Variants in GPR158 observed in about 807,000 individuals in gnomAD.
GPR158 encodes the protein metabotropic glycine receptor.
A neutral mutation model predicts 78.2 loss-of-function variants in GPR158; 30 were observed. The ratio of observed to expected loss-of-function variants is 0.38; its 90% CI spans 0.29 to 0.52. GPR158 has a LOEUF of 0.52. Among genes scored for constraint, GPR158 ranks in the 20% least tolerant of loss-of-function variants. The pLI is 0.83. For missense variants in GPR158, 1,463 were observed against 1,523.5 expected (o/e 0.96, Z 0.66); for synonymous variants, 581 against 591.1 (o/e 0.98, Z 0.25).
intron 4 of GPR158, among the ~76,000 whole-genome samples, chr10:25,423,285 A>G (rs922702646): frequency 6.6e-6 from 1 of 152,024 alleles, no homozygotes; most frequent in African/African-American, 2.4e-5. Flanking sequence ...TTGTGCTGCT[A>G]TAAACATGCA....
intron 2 of GPR158, among the ~76,000 whole-genome samples, chr10:25,343,071 T>C (rs960572889): frequency 6.6e-6 from 1 of 152,004 alleles, no homozygotes; most frequent in Non-Finnish European, 1.5e-5. Context: ...TGAGCAAACT[T>C]CCTAGTGAGG....
At chr10:25,317,729 T>TG (rs1854878654) in intron 2 of GPR158, among the ~76,000 whole-genome samples, 1 of 145,386 alleles carries the variant, frequency 6.9e-6, no homozygotes, top group African/African-American at 2.8e-5. Flanking sequence ...TTTTTTTGTT[T>TG]TGTTTTGTTT....
chr10:25,467,053 C>T (rs1294291015), intron 5 of GPR158, among the ~76,000 whole-genome samples: 4 of 152,186 alleles, frequency 2.6e-5, no homozygotes, highest in East Asian at 1.9e-4. Flanking sequence ...TGGGGTGCAG[C>T]GTGGTTTTAT....
intron 2 of GPR158, among the ~76,000 whole-genome samples, chr10:25,369,893 T>G (rs2130547071): frequency 6.6e-6 from 1 of 152,098 alleles, no homozygotes; most frequent in East Asian, 1.9e-4. Flanking sequence ...GGTTTAGTCT[T>G]GGGAGAGTGT....
chr10:25,452,369 AATTC>A (rs1158265050), intron 4 of GPR158, among the ~76,000 whole-genome samples: 1 of 152,176 alleles, frequency 6.6e-6, no homozygotes, highest in South Asian at 2.1e-4. Context: ...GTATTTTTGC[AATTC>A]ATTCATTTAT....
At chr10:25,438,805 CAG>C (rs1324618348) in intron 4 of GPR158, among the ~76,000 whole-genome samples, 4 of 152,136 alleles carry the variant, frequency 2.6e-5, no homozygotes, top group African/African-American at 4.8e-5. Flanking sequence ...AAACTGAAGT[CAG>C]GGGTTTATTT....
intron 2 of GPR158, among the ~76,000 whole-genome samples, chr10:25,345,919 G>T (rs1364071642): frequency 6.6e-6 from 1 of 151,948 alleles, no homozygotes; most frequent in African/African-American, 2.4e-5. Context: ...AAGAGCAAGT[G>T]ATAAGAGCTC....
chr10:25,191,325 T>C (rs1852768085), intron 1 of GPR158, among the ~76,000 whole-genome samples: 1 of 152,208 alleles, frequency 6.6e-6, no homozygotes, highest in Non-Finnish European at 1.5e-5. Flanking sequence ...GCAGCGAACT[T>C]GCAGTTTAAT....
chr10:25,521,425 T>A (rs1199420712), intron 5 of GPR158, among the ~76,000 whole-genome samples: 1 of 152,246 alleles, frequency 6.6e-6, no homozygotes, highest in African/African-American at 2.4e-5. Flanking sequence ...AAGATTTTTT[T>A]CCTTCCTAAC....
At chr10:25,434,107 A>G (rs921344476) in intron 4 of GPR158, among the ~76,000 whole-genome samples, 2 of 152,110 alleles carry the variant, frequency 1.3e-5, no homozygotes, top group Non-Finnish European at 2.9e-5. Context: ...GCTTGCAGTG[A>G]GCCGAGATGC....
At chr10:25,406,971 G>C (rs1374239090) in intron 3 of GPR158, among the ~76,000 whole-genome samples, 1 of 152,126 alleles carries the variant, frequency 6.6e-6, no homozygotes, top group Non-Finnish European at 1.5e-5. Context: ...TATAATCAAA[G>C]ATACAAAGGT....
intron 4 of GPR158, among the ~76,000 whole-genome samples, chr10:25,457,133 T>C (rs1467802624): frequency 7.4e-6 from 1 of 134,494 alleles, no homozygotes; most frequent in Non-Finnish European, 1.5e-5. Flanking sequence ...CCAGCCACCA[T>C]GCCCACCTTT....
intron 6 of GPR158, among the ~76,000 whole-genome samples, chr10:25,561,586 C>A (rs1836861261): frequency 6.6e-6 from 1 of 152,132 alleles, no homozygotes; most frequent in African/African-American, 2.4e-5. Context: ...AGCTTTTATG[C>A]CAAACTTTTC....
At chr10:25,325,067 C>T (rs541819898) in intron 2 of GPR158, among the ~76,000 whole-genome samples, 2 of 152,118 alleles carry the variant, frequency 1.3e-5, no homozygotes, top group South Asian at 4.2e-4. Flanking sequence ...TGGTCTCAAA[C>T]TCCTGGGCTC....
Position 25,175,941 on chromosome 10 carries a change from C to A in GPR158, c.521C>A (p.Ala174Glu). 1 of 1,613,434 alleles carries A rather than the reference C, an allele frequency of 6.2e-7. No homozygotes were observed. The highest frequency in any genetic ancestry group is 8.5e-7 in the Non-Finnish European group (1 of 1,179,928). ...GAGGGCGAGCCCAGCATCTCCCGGG[C>A]GGCCATCACCTTCAGCACCGATTCG... ...LLEGEPSISR[A>E]AITFSTDSLS... The change falls in exon 1 of 11, where the codon GCG becomes GAG. Residue 174 changes from alanine (A) to glutamate (E), a missense_variant. Coordinates refer to ENST00000376351, the MANE Select transcript of GPR158 (RefSeq NM_020752.3). The surrounding 1 kb of genome is among the most constrained non-coding windows in gnomAD (Gnocchi z 6.4).
At chr10:25,540,864 C>T (rs1228248257) in intron 5 of GPR158, among the ~76,000 whole-genome samples, 6 of 151,256 alleles carry the variant, frequency 4.0e-5, no homozygotes, top group African/African-American at 1.5e-4. Context: ...ATGGGTGCAG[C>T]ACACCAACAT....
intron 2 of GPR158, among the ~76,000 whole-genome samples, chr10:25,317,723 TTTG>T (rs1854877834): frequency 2.1e-5 from 3 of 140,824 alleles, no homozygotes; most frequent in African/African-American, 9.0e-5. Flanking sequence ...AGTGTTTTTT[TTTG>T]TTTTGTTTTG....
At chr10:25,189,311 G>A (rs1852736204) in intron 1 of GPR158, among the ~76,000 whole-genome samples, 2 of 152,174 alleles carry the variant, frequency 1.3e-5, no homozygotes, top group African/African-American at 4.8e-5. Flanking sequence ...TATAAATCAT[G>A]CTGCTATAAA....
chr10:25,558,270 A>AT (rs529554086), intron 6 of GPR158, among the ~76,000 whole-genome samples: 169 of 152,364 alleles, frequency 1.1e-3, no homozygotes, highest in African/African-American at 3.9e-3. Flanking sequence ...ATAAAAACCC[A>AT]TCTGGTAATG....
Sources: allele counts gnomAD v4.1 joint callset (sites outside exome capture counted in the v4.1 genomes callset), GRCh38; gene constraint gnomAD v4.1.1; non-coding constraint Gnocchi (gnomAD v3.1); transcripts MANE v1.5; gene names NCBI Gene and HGNC (gene_info 2026-07-23, HGNC 2026-07-21).